Variants in RBFOX1 observed in about 807,000 individuals in gnomAD.
RBFOX1 encodes the protein RNA binding fox-1 homolog 1.
A neutral mutation model predicts 57.7 loss-of-function variants in RBFOX1; 8 were observed. The observed-to-expected ratio is 0.14, with a 90% CI of 0.08 to 0.25. The LOEUF (loss-of-function observed/expected upper bound fraction) is 0.25. Among genes scored for constraint, RBFOX1 ranks in the 10% least tolerant of loss-of-function variants. The pLI is 1.00. For synonymous variants in RBFOX1, 326 were observed against 222.4 expected (o/e 1.47, Z -4.15); for missense variants, 611 against 548.5 (o/e 1.11, Z -1.14).
intron 3 of RBFOX1, among the ~76,000 whole-genome samples, chr16:5,624,342 C>T (rs2048284967): frequency 1.3e-5 from 2 of 152,300 alleles, no homozygotes; most frequent in African/African-American, 4.8e-5. Flanking sequence ...CTACAGGCAC[C>T]TACTACCGTG....
At chr16:6,940,940 C>G (rs2078328921) in intron 3 of RBFOX1, among the ~76,000 whole-genome samples, 1 of 151,714 alleles carries the variant, frequency 6.6e-6, no homozygotes, top group Admixed American at 6.6e-5. Context: ...ATCTCCTGAC[C>G]TCGTGATCCA....
intron 10 of RBFOX1, among the ~76,000 whole-genome samples, chr16:7,611,917 A>G (rs2057548899): frequency 6.6e-6 from 1 of 152,224 alleles, no homozygotes; most frequent in African/African-American, 2.4e-5. Flanking sequence ...CATGACATAT[A>G]TTAATATAAA....
At chr16:7,333,657 A>G (rs1171370480) in intron 4 of RBFOX1, among the ~76,000 whole-genome samples, 1 of 152,210 alleles carries the variant, frequency 6.6e-6, no homozygotes, top group African/African-American at 2.4e-5. Context: ...CCAGATGTGT[A>G]CATCTTAATG....
At chr16:6,225,190 C>T (rs1391294779) in intron 1 of RBFOX1, among the ~76,000 whole-genome samples, 1 of 150,994 alleles carries the variant, frequency 6.6e-6, no homozygotes, top group Non-Finnish European at 1.5e-5. Flanking sequence ...AGCTACAATC[C>T]CAATACGTGC....
intron 4 of RBFOX1, among the ~76,000 whole-genome samples, chr16:5,967,155 G>GTTGGCCCGGCTGGTCT (rs2059863158): frequency 6.6e-6 from 1 of 151,960 alleles, no homozygotes; most frequent in African/African-American, 2.4e-5. Flanking sequence ...CATCTGGCCC[G>GTTGGCCCGGCTGGTCT]CAAAGCCACA....
chr16:7,272,849 C>G (rs1157204773), intron 4 of RBFOX1, among the ~76,000 whole-genome samples: 2 of 138,186 alleles, frequency 1.4e-5, no homozygotes, highest in African/African-American at 5.3e-5. Flanking sequence ...TCCCTCCCTT[C>G]CCTTCTTCCC....
intron 1 of RBFOX1, among the ~76,000 whole-genome samples, chr16:5,358,740 T>A (rs867254754): frequency 1.3e-5 from 2 of 152,112 alleles, no homozygotes; most frequent in South Asian, 2.1e-4. Flanking sequence ...GGCAGGAGAA[T>A]CGCTTGAACC....
chr16:6,645,786 C>T (rs1471618138), intron 2 of RBFOX1, among the ~76,000 whole-genome samples: 6 of 152,128 alleles, frequency 3.9e-5, no homozygotes, highest in Non-Finnish European at 5.9e-5. Flanking sequence ...TATGCTAAGA[C>T]CCTGGCGTGT....
chr16:6,526,857 A>AAAAAAAAAAAACAAC (rs1567560941), intron 2 of RBFOX1, among the ~76,000 whole-genome samples: 2 of 130,422 alleles, frequency 1.5e-5, no homozygotes, highest in African/African-American at 7.3e-5. Flanking sequence ...AAAAAAAAAA[A>AAAAAAAAAAAACAAC]AACAACCAGA....
At chr16:7,383,307 G>A (rs772821912) in intron 4 of RBFOX1, among the ~76,000 whole-genome samples, 2 of 150,916 alleles carry the variant, frequency 1.3e-5, no homozygotes, top group Non-Finnish European at 2.9e-5. Context: ...CACTAGGCAC[G>A]CATTTTATAA....
intron 12 of RBFOX1, among the ~76,000 whole-genome samples, chr16:7,660,358 C>T (rs182769005): frequency 3.9e-5 from 6 of 152,282 alleles, no homozygotes; most frequent in South Asian, 2.1e-4. Flanking sequence ...AATATGACTG[C>T]GCCTGTTTAG....
chr16:7,447,430 C>CA (rs202234230), intron 4 of RBFOX1, among the ~76,000 whole-genome samples: 13,282 of 98,334 alleles, frequency 0.14, 1,558 homozygotes, highest in East Asian at 0.31. Flanking sequence ...GAGTCTATCT[C>CA]AAAAAAAAAA....
chr16:6,447,512 G>C (rs1461532871), intron 2 of RBFOX1, among the ~76,000 whole-genome samples: 1 of 152,176 alleles, frequency 6.6e-6, no homozygotes, highest in Non-Finnish European at 1.5e-5. Flanking sequence ...CAGGCTTAGA[G>C]TAGCCAGGAT....
intron 1 of RBFOX1, among the ~76,000 whole-genome samples, chr16:6,248,640 G>T (rs1330609657): frequency 1.3e-5 from 2 of 152,166 alleles, no homozygotes; most frequent in South Asian, 2.1e-4. Flanking sequence ...AATACACTTT[G>T]GGGGGAGGTA....
chr16:5,831,563 C>T (rs916584068), intron 3 of RBFOX1, among the ~76,000 whole-genome samples: 8 of 146,208 alleles, frequency 5.5e-5, no homozygotes, highest in Non-Finnish European at 7.8e-5. Flanking sequence ...AATCTCAGCT[C>T]GCTGCAACCT....
chr16:7,559,238 C>T (rs1164714834), intron 5 of RBFOX1, among the ~76,000 whole-genome samples: 36 of 152,152 alleles, frequency 2.4e-4, no homozygotes, highest in Admixed American at 2.4e-3. Context: ...TGAGCCTCTC[C>T]ATCAGAATGT....
At chr16:6,797,784 A>G (rs866062360) in intron 3 of RBFOX1, among the ~76,000 whole-genome samples, 2 of 152,162 alleles carry the variant, frequency 1.3e-5, no homozygotes, top group Admixed American at 6.5e-5. Context: ...TAAAAATCCA[A>G]TATCATTTGG....
intron 4 of RBFOX1, among the ~76,000 whole-genome samples, chr16:7,188,863 A>T (rs9929968): frequency 0.048 from 7,379 of 152,260 alleles, 572 homozygotes; most frequent in African/African-American, 0.17. Flanking sequence ...TGGAAAGGAC[A>T]TCAAGAAAAA....
intron 4 of RBFOX1, among the ~76,000 whole-genome samples, chr16:7,373,258 A>G (rs1480026265): frequency 1.3e-5 from 2 of 152,106 alleles, no homozygotes. Context: ...TTAATTCTAA[A>G]ACAACAATTA....
Sources: gnomAD v4.1 joint callset for allele counts (sites outside exome capture counted in the v4.1 genomes callset) on GRCh38, gnomAD v4.1.1 for gene constraint, MANE v1.5 for transcripts, NCBI Gene and HGNC (gene_info 2026-07-23, HGNC 2026-07-21) for gene names.